The following TFPI variants were observed in gnomAD, a reference collection of about 807,000 sequenced individuals.
The protein encoded by TFPI is tissue factor pathway inhibitor.
In TFPI, 15 loss-of-function variants were observed where a neutral mutation model predicts 34.6. The observed-to-expected ratio is 0.43, with a 90% CI of 0.29 to 0.67. The LOEUF is 0.67. Ranked by LOEUF, TFPI falls within the 30% of genes least tolerant of loss-of-function variation. The probability of loss-of-function intolerance (pLI) is 0.15; values close to 1 mark genes in which losing one functional copy is unlikely to be tolerated. For missense variants in TFPI, 301 were observed against 364.0 expected (o/e 0.83, Z 1.41); for synonymous variants, 105 against 120.1 (o/e 0.87, Z 0.82).
chr2:187,467,960 G>T lies in TFPI; in HGVS notation c.629-28C>A, dbSNP rs200584967. ...AAAAACAATCAGGAAAACATGGTAAGCCATATGTGATAGTGGATTTCAGGT... is the reference window on the plus strand; with the variant it reads ...AAAAACAATCAGGAAAACATGGTAATCCATATGTGATAGTGGATTTCAGGT... On this transcript the variant is annotated intron_variant, in intron 6 of 7. Coordinates refer to ENST00000233156, the MANE Select transcript of TFPI (RefSeq NM_006287.6). The T allele has an allele frequency of 7.2e-6, 11 of 1,532,348 alleles. No individual in the cohort carries two copies. In the East Asian group the frequency reaches 2.5e-4, roughly 35 times the overall value. 94.9% of individuals were successfully genotyped at this position (1,532,348 alleles called of 1,614,324 possible). A position where few individuals can be genotyped will look rare whatever the true frequency, so the allele number is the denominator to read the frequency against.
intron 1 of TFPI, chr2:187,517,731 G>A (rs1014755255): frequency 6.6e-6 from 1 of 152,138 alleles, no homozygotes; most frequent in Non-Finnish European, 1.5e-5. Context: ...GTCTAATATT[G>A]ACAGTGGGGT....
Position 187,522,065 on chromosome 2 carries a change from T to G in TFPI, c.-2-18295A>C, listed in dbSNP as rs1214548844. Among the ~76,000 whole-genome samples the G allele has an allele frequency of 2.6e-5, 4 of 152,140 alleles. No homozygotes were observed. In the East Asian group the frequency reaches 5.8e-4, roughly 22 times the overall value. On this transcript the variant is annotated intron_variant, in intron 1 of 7. Coordinates refer to ENST00000233156, the MANE Select transcript of TFPI (RefSeq NM_006287.6). ...AAAATGTGTTTAACTCCTTTGCCCATTTTTTAAAAATTTCTGCTATTGAGT... is the reference window on the plus strand; with the variant it reads ...AAAATGTGTTTAACTCCTTTGCCCAGTTTTTAAAAATTTCTGCTATTGAGT...
chr2:187,496,339 T>C (rs1269150099), intron 3 of TFPI, among the ~76,000 whole-genome samples: 2 of 152,138 alleles, frequency 1.3e-5, no homozygotes, highest in Non-Finnish European at 2.9e-5. Context: ...TGAGAGAGTA[T>C]AGCGATGAGA....
intron 2 of TFPI, 150 bp downstream of exon 2, chr2:187,503,498 C>CACACAT (rs1553528335): frequency 1.2e-6 from 1 of 837,984 alleles, no homozygotes. Flanking sequence ...CACACACACA[C>CACACAT]ACATACATTA....
chr2:187,516,591 A>G (rs1047651892), intron 1 of TFPI: 6 of 152,178 alleles, frequency 3.9e-5, no homozygotes, highest in Admixed American at 3.9e-4. Flanking sequence ...CCCACTAATG[A>G]GAGAGGTTCT....
intron 1 of TFPI, among the ~76,000 whole-genome samples, chr2:187,520,121 G>C (rs1687279324): frequency 6.6e-6 from 1 of 152,112 alleles, no homozygotes; most frequent in African/African-American, 2.4e-5. Context: ...AGACCACTTG[G>C]CTCCCTGGCT....
intron 1 of TFPI, among the ~76,000 whole-genome samples, chr2:187,542,335 T>TTG (rs138712657): frequency 0.039 from 5,843 of 148,958 alleles, 164 homozygotes; most frequent in Admixed American, 0.055. Flanking sequence ...GAATGTGTGT[T>TTG]TGTGTGTGTG....
At chr2:187,486,072 C>T (rs1351156599) in intron 4 of TFPI, among the ~76,000 whole-genome samples, 1 of 151,582 alleles carries the variant, frequency 6.6e-6, no homozygotes, top group African/African-American at 2.4e-5. Flanking sequence ...GTAAAACTTC[C>T]TACTATAATA....
At chr2:187,502,849 A>G (rs8176417) in intron 2 of TFPI, among the ~76,000 whole-genome samples, 93 of 152,340 alleles carry the variant, frequency 6.1e-4, no homozygotes, top group African/African-American at 2.1e-3. Context: ...ATTAAAGTAC[A>G]CTGAACACAG....
chr2:187,514,489 A>C (rs1686858928), intron 1 of TFPI: 1 of 152,202 alleles, frequency 6.6e-6, no homozygotes, highest in Non-Finnish European at 1.5e-5. Flanking sequence ...GTCTTCCAAC[A>C]CTAGGTTCAC....
intron 1 of TFPI, among the ~76,000 whole-genome samples, chr2:187,541,985 A>G (rs1163735459): frequency 1.3e-5 from 2 of 152,180 alleles, no homozygotes; most frequent in African/African-American, 4.8e-5. Flanking sequence ...CATCACAAGT[A>G]ACCTTCTAAA....
intron 2 of TFPI, among the ~76,000 whole-genome samples, chr2:187,500,986 T>A (rs1275759311): frequency 6.6e-6 from 1 of 152,162 alleles, no homozygotes; most frequent in Non-Finnish European, 1.5e-5. Flanking sequence ...ATATAGACAC[T>A]AAGGACTTAC....
chr2:187,539,497 G>A lies in TFPI; in HGVS notation c.-3+14703C>T, dbSNP rs576254696. Among the ~76,000 whole-genome samples, 12 of 152,234 alleles carry A rather than the reference G, an allele frequency of 7.9e-5. No individual in the cohort carries two copies. In the East Asian group the frequency reaches 2.3e-3, roughly 29 times the overall value. ...TTCAGTTTTCCATTTGTTAAATGAG[G>A]CTATTAAGCCTATTTGTGTTTACGA... On this transcript the variant is annotated intron_variant, in intron 1 of 7. Coordinates refer to ENST00000233156, the MANE Select transcript of TFPI (RefSeq NM_006287.6).
intron 1 of TFPI, among the ~76,000 whole-genome samples, chr2:187,550,313 C>A (rs995038830): frequency 6.6e-6 from 1 of 152,028 alleles, no homozygotes; most frequent in Non-Finnish European, 1.5e-5. Context: ...TCCCAAGTTG[C>A]AAAACTCTCA....
chr2:187,479,089 T>C (rs8176529), intron 6 of TFPI, among the ~76,000 whole-genome samples: 204 of 152,198 alleles, frequency 1.3e-3, no homozygotes, highest in African/African-American at 4.6e-3. Context: ...CAGTCAATTT[T>C]AGGTGGGGAA....
intron 1 of TFPI, chr2:187,518,279 A>C (rs10211660): frequency 0.63 from 95,629 of 152,094 alleles, 30,397 homozygotes; most frequent in East Asian, 0.8. Context: ...TGGCTGATAC[A>C]GATTGTTCTT....
At chr2:187,531,685 G>T (rs1357935379) in intron 1 of TFPI, among the ~76,000 whole-genome samples, 2 of 151,990 alleles carry the variant, frequency 1.3e-5, no homozygotes, top group Non-Finnish European at 2.9e-5. Flanking sequence ...TACCAATGCA[G>T]TCACCTAGAA....
intron 3 of TFPI, among the ~76,000 whole-genome samples, chr2:187,495,895 A>G (rs974599394): frequency 6.6e-6 from 1 of 152,018 alleles, no homozygotes; most frequent in Non-Finnish European, 1.5e-5. Flanking sequence ...AACTTATTCT[A>G]TCCCTTGAGT....
intron 1 of TFPI, among the ~76,000 whole-genome samples, chr2:187,521,094 A>G (rs1409983997): frequency 6.6e-6 from 1 of 152,066 alleles, no homozygotes; most frequent in Non-Finnish European, 1.5e-5. Flanking sequence ...GGCACTAGGC[A>G]TGCTCATTGT....
Sources: gnomAD v4.1 joint callset for allele counts (sites outside exome capture counted in the v4.1 genomes callset) on GRCh38, gnomAD v4.1.1 for gene constraint, MANE v1.5 for transcripts, NCBI Gene and HGNC (gene_info 2026-07-23, HGNC 2026-07-21) for gene names.